Variants in SEC23IP observed in about 807,000 individuals in gnomAD.
SEC23IP encodes SEC23-interacting protein.
SEC23IP carries 70 observed loss-of-function variants against 113.4 expected under a neutral mutation model. That is an observed-to-expected ratio of 0.62 (90% CI 0.51 to 0.75). The LOEUF (loss-of-function observed/expected upper bound fraction) is 0.75, where lower values mean the gene tolerates loss of function less well. Ranked by LOEUF, SEC23IP falls within the 30% of genes least tolerant of loss-of-function variation. SEC23IP has a pLI of 0.00. For synonymous variants in SEC23IP, 398 were observed against 421.0 expected, an observed-to-expected ratio of 0.95 and a Z score of 0.67; for missense variants, 1,160 against 1,204.9, an observed-to-expected ratio of 0.96 and a Z score of 0.55.
chr10:119,937,515 A>G (rs1472124690), intron 18 of SEC23IP, among the ~76,000 whole-genome samples: 1 of 151,972 alleles, frequency 6.6e-6, no homozygotes, highest in Non-Finnish European at 1.5e-5. Flanking sequence ...AATCCCAGCT[A>G]CTTGGGATGC....
intron 6 of SEC23IP, chr10:119,914,461 A>T: frequency 4.7e-6 from 2 of 429,134 alleles, no homozygotes; most frequent in South Asian, 4.6e-5. Context: ...GCCTCCATAG[A>T]TACAAACCTG....
intron 7 of SEC23IP, among the ~76,000 whole-genome samples, 158 bp from the exon 8 acceptor site, chr10:119,915,590 T>C (rs570008074): frequency 6.6e-6 from 1 of 152,328 alleles, no homozygotes; most frequent in East Asian, 1.9e-4. Flanking sequence ...TATTCCTTTC[T>C]TTTTAAAAAA....
chr10:119,940,325 T>C (rs1204151753), intron 18 of SEC23IP, among the ~76,000 whole-genome samples: 1 of 151,834 alleles, frequency 6.6e-6, no homozygotes, highest in Non-Finnish European at 1.5e-5. Flanking sequence ...GTAGCTGGGA[T>C]TACAGGCACC....
At chr10:119,921,158 C>T (rs988282062) in intron 12 of SEC23IP, among the ~76,000 whole-genome samples, 174 bp downstream of exon 12, 2 of 152,156 alleles carry the variant, frequency 1.3e-5, no homozygotes, top group Non-Finnish European at 2.9e-5. Context: ...GGGCTTAAGT[C>T]CACATTAGGC....
intron 14 of SEC23IP, among the ~76,000 whole-genome samples, 191 bp downstream of exon 14, chr10:119,929,953 A>G (rs1433133471): frequency 1.3e-5 from 2 of 152,132 alleles, no homozygotes; most frequent in East Asian, 3.8e-4. Context: ...CTGACCTTTT[A>G]CTTTCTTTTT....
chr10:119,919,950 T>C (rs1855192694), intron 11 of SEC23IP, among the ~76,000 whole-genome samples: 1 of 152,200 alleles, frequency 6.6e-6, no homozygotes, highest in Admixed American at 6.5e-5. Context: ...CAGTGTGATA[T>C]GTAAATAGGC....
In SEC23IP at chr10:119,940,610, C is replaced by G. The variant is rs1855937238; in HGVS notation, c.*45C>G. ...GACTTTCTTGTCTGCACAGAAAGTCCCAGTACAACTTCCATTGCTGAGAAA... is the reference window on the plus strand; with the variant it reads ...GACTTTCTTGTCTGCACAGAAAGTCGCAGTACAACTTCCATTGCTGAGAAA... On this transcript the variant is annotated 3_prime_UTR_variant, in exon 19 of 19. Transcript: ENST00000369075. 6.6e-6 allele frequency: 1 copy of G among 151,558 alleles called. No individual in the cohort carries two copies. The highest frequency in any genetic ancestry group is 2.4e-5 in the African/African-American group (1 of 41,198). 9.4% of individuals were successfully genotyped at this position (151,558 alleles called of 1,614,324 possible).
intron 1 of SEC23IP, among the ~76,000 whole-genome samples, chr10:119,893,862 C>T (rs886975143): frequency 6.6e-6 from 1 of 152,196 alleles, no homozygotes; most frequent in African/African-American, 2.4e-5. Context: ...GAAGCTGTTT[C>T]TTGTTCTCTT....
In SEC23IP at chr10:119,933,729, C is replaced by T. The variant is rs904414734; in HGVS notation, c.2965C>T (p.Arg989Ter). The T allele has an allele frequency of 1.2e-5, 19 of 1,597,458 alleles. No individual in the cohort carries two copies. Among genetic ancestry groups the T allele is most frequent in the African/African-American group, 2.7e-5 (2 of 74,556 alleles). Residue 989 changes from arginine (R) to a stop codon, truncating the protein, a stop_gained, in exon 18 of 19, where the codon CGA (arginine) becomes TGA (stop). Transcript: ENST00000369075. LOFTEE classifies it high-confidence loss of function. ...TCTGTTACTACTTAAAGAAATTTAT[C>T]GAACAATGAACATTAGTCCAGAACA... ...TALLLLKEIY[R>*]TMNISPEQPQ...
chr10:119,905,815 A>G lies in SEC23IP; in HGVS notation c.1101+1538A>G, dbSNP rs151075834. Among the ~76,000 whole-genome samples the G allele has an allele frequency of 6.7e-3, 1,018 of 152,288 alleles. 5 individuals carry two copies. Among genetic ancestry groups the G allele is most frequent in the Non-Finnish European group, 9.2e-3 (626 of 68,024 alleles). ...AAATTAACATACGTAAATTAGTAAC[A>G]TTCCTGTGCCATAGAAATAACCAAT... On this transcript the variant is annotated intron_variant, in intron 4 of 18. Coordinates refer to ENST00000369075, the MANE Select transcript of SEC23IP (RefSeq NM_007190.4).
At chr10:119,929,839 G>A (rs187532928) in intron 14 of SEC23IP, 77 bp downstream of exon 14, 19 of 992,182 alleles carry the variant, frequency 1.9e-5, no homozygotes, top group Non-Finnish European at 2.5e-5. Context: ...TATAGAGATG[G>A]GGTCTTACTA....
intron 2 of SEC23IP, among the ~76,000 whole-genome samples, chr10:119,901,509 C>T (rs996652317): frequency 7.9e-5 from 12 of 152,030 alleles, no homozygotes; most frequent in Middle Eastern, 6.8e-3. Flanking sequence ...AATTTATTAG[C>T]TATGATTTTA....
chr10:119,914,697 C>T (rs531713329), intron 6 of SEC23IP, 33 bp from the exon 7 acceptor site: 1 of 1,561,434 alleles, frequency 6.4e-7, no homozygotes, highest in South Asian at 1.1e-5. Context: ...AAATTCCCAT[C>T]TTTTATGTAG....
intron 10 of SEC23IP, 98 bp from the exon 11 acceptor site, chr10:119,919,346 G>A (rs575290733): frequency 8.6e-6 from 10 of 1,165,970 alleles, no homozygotes; most frequent in Non-Finnish European, 1.2e-5. Flanking sequence ...TATGATTTCT[G>A]TGTAAAGCAA....
intron 18 of SEC23IP, among the ~76,000 whole-genome samples, chr10:119,936,070 G>C (rs1192548847): frequency 6.6e-6 from 1 of 152,064 alleles, no homozygotes; most frequent in Non-Finnish European, 1.5e-5. Flanking sequence ...TTTAATAGTT[G>C]CATTTCATTC....
At chr10:119,935,415 T>G (rs1490301523) in intron 18 of SEC23IP, among the ~76,000 whole-genome samples, 1 of 152,012 alleles carries the variant, frequency 6.6e-6, no homozygotes, top group Admixed American at 6.6e-5. Context: ...GAGCTGAGAT[T>G]GCGCCACTGC....
rs750625115 is a variant in SEC23IP at position 119,904,281 on chromosome 10, C to G, written c.1101+4C>G. On this transcript the variant is annotated splice_donor_region_variant and intron_variant, in intron 4 of 18. Coordinates refer to ENST00000369075, the MANE Select transcript of SEC23IP (RefSeq NM_007190.4). ...GGAGTTCAGTGAAAAACTAGAGGTA[C>G]GGGTGCTTTATTTCTTTATGAGTTT... 1.2e-6 allele frequency: 2 copies of G among 1,612,914 alleles called. No individual in the cohort carries two copies. The highest frequency in any genetic ancestry group is 2.7e-5 in the African/African-American group (2 of 74,880).
At chr10:119,914,308 A>G (rs948566365) in intron 6 of SEC23IP, among the ~76,000 whole-genome samples, 2 of 152,220 alleles carry the variant, frequency 1.3e-5, no homozygotes, top group Non-Finnish European at 1.5e-5. Context: ...AATTACATAC[A>G]CTTCATGTTT....
At position 119,920,955 on chromosome 10, in the gene SEC23IP, A is replaced by G; in HGVS notation, c.2092A>G (p.Asn698Asp). Residue 698 changes from asparagine (N) to aspartate (D), a missense_variant, in exon 12 of 19, where the codon AAC becomes GAC. Physicochemically the swap from Asn to Asp is conservative, Grantham distance 23. Coordinates refer to ENST00000369075, the MANE Select transcript of SEC23IP (RefSeq NM_007190.4). ...CCTTGGACCCAGAAAGAAGATAGCT[A>G]ACTTTGTAGAACATAAAGCAGCCAA... ...IPLGPRKKIA[N>D]FVEHKAAKLK... 1 of 1,613,722 alleles carries G rather than the reference A, an allele frequency of 6.2e-7. No homozygotes were observed. Among genetic ancestry groups the G allele is most frequent in the South Asian group, 1.1e-5 (1 of 91,068 alleles).
Sources: gnomAD v4.1 joint callset for allele counts (sites outside exome capture counted in the v4.1 genomes callset) on GRCh38, gnomAD v4.1.1 for gene constraint, MANE v1.5 for transcripts, NCBI Gene and HGNC (gene_info 2026-07-23, HGNC 2026-07-21) for gene names.